The following MED13L variants were observed in gnomAD, a reference collection of about 807,000 sequenced individuals.
MED13L encodes mediator of RNA polymerase II transcription subunit 13-like.
Under a neutral mutation model 220.9 loss-of-function variants are expected in MED13L, and 7 were observed. The ratio of observed to expected loss-of-function variants is 0.03; its 90% CI spans 0.02 to 0.06. The LOEUF (loss-of-function observed/expected upper bound fraction) is 0.06. Ranked by LOEUF, MED13L falls within the 10% of genes least tolerant of loss-of-function variation. The pLI is 1.00. For synonymous variants in MED13L, 1,011 were observed against 1,015.2 expected (o/e 1.00, Z 0.08); for missense variants, 1,965 against 2,760.5 (o/e 0.71, Z 6.46).
rs1345401701 is a variant in MED13L at position 116,260,794 on chromosome 12, T to C, written c.72+16266A>G. On this transcript the variant is annotated intron_variant, in intron 1 of 30. Transcript: ENST00000281928. ...GTCTATTTCACCCTCTTACCAAAAA[T>C]ATCACTGATTTGAAATTAATATAAA... is the stretch of plus-strand genomic sequence containing the variant. Among the ~76,000 whole-genome samples, 6 of 152,178 alleles carry C rather than the reference T, an allele frequency of 3.9e-5. No individual in the cohort carries two copies. In the East Asian group the frequency reaches 1.2e-3, roughly 29 times the overall value.
intron 21 of MED13L, 75 bp downstream of exon 21, chr12:115,983,042 G>A (rs1877437330): frequency 1.3e-6 from 2 of 1,492,604 alleles, no homozygotes; most frequent in East Asian, 2.3e-5. Flanking sequence ...TGAGGTCAAG[G>A]GAGAAAAGGT....
chr12:116,019,996 T>A, intron 5 of MED13L, 24 bp from the exon 6 acceptor site: 1 of 1,593,858 alleles, frequency 6.3e-7, no homozygotes, highest in Non-Finnish European at 8.6e-7. Flanking sequence ...GAGAAATACA[T>A]GCTAAACATT....
chr12:116,138,565 G>A, intron 2 of MED13L, among the ~76,000 whole-genome samples: 1 of 152,188 alleles, frequency 6.6e-6, no homozygotes. Flanking sequence ...TCAGTAAGGT[G>A]GGTGGTAAAT....
chr12:116,082,032 GA>G (rs2137740604), intron 4 of MED13L, among the ~76,000 whole-genome samples: 1 of 152,166 alleles, frequency 6.6e-6, no homozygotes, highest in East Asian at 1.9e-4. Context: ...TCCCTCCAAA[GA>G]AACATTTTAG....
chr12:116,055,595 T>G (rs1231822279), intron 4 of MED13L, among the ~76,000 whole-genome samples: 3 of 152,140 alleles, frequency 2.0e-5, no homozygotes, highest in Non-Finnish European at 1.5e-5. Flanking sequence ...GGGAAGGCCT[T>G]TAGAAAATGC....
intron 2 of MED13L, among the ~76,000 whole-genome samples, chr12:116,187,741 A>G (rs1880988775): frequency 6.6e-6 from 1 of 152,172 alleles, no homozygotes; most frequent in Admixed American, 6.5e-5. Flanking sequence ...GTTCCATTTA[A>G]TCAAATACCA....
intron 1 of MED13L, among the ~76,000 whole-genome samples, chr12:116,245,370 A>G (rs1013180704): frequency 4.6e-5 from 7 of 152,228 alleles, no homozygotes; most frequent in African/African-American, 7.2e-5. Flanking sequence ...AGTGAGGCGC[A>G]CAGTTAAGCA....
At chr12:116,067,218 TA>T (rs1305590861) in intron 4 of MED13L, among the ~76,000 whole-genome samples, 3 of 152,230 alleles carry the variant, frequency 2.0e-5, no homozygotes, top group African/African-American at 7.2e-5. Context: ...ATAATATTTG[TA>T]TATTTATTTT....
At chr12:116,231,432 T>C (rs1263395505) in intron 2 of MED13L, among the ~76,000 whole-genome samples, 1 of 152,102 alleles carries the variant, frequency 6.6e-6, no homozygotes, top group African/African-American at 2.4e-5. Flanking sequence ...ATTAGACAAA[T>C]TCAAAATGTG....
At chr12:116,140,552 T>A (rs957499476) in intron 2 of MED13L, among the ~76,000 whole-genome samples, 3 of 152,162 alleles carry the variant, frequency 2.0e-5, no homozygotes, top group African/African-American at 7.2e-5. Flanking sequence ...AATGTTGCTA[T>A]CTCTAAGGTT....
chr12:116,106,905 G>A (rs1278116413), intron 3 of MED13L, among the ~76,000 whole-genome samples: 2 of 152,022 alleles, frequency 1.3e-5, no homozygotes, highest in East Asian at 3.9e-4. Flanking sequence ...GATTAGCTGG[G>A]TAAATTGACT....
chr12:116,104,027 T>TTTTTTTTTTTTTA (rs1873333304), intron 3 of MED13L, among the ~76,000 whole-genome samples: 1 of 114,420 alleles, frequency 8.7e-6, no homozygotes, highest in Non-Finnish European at 1.7e-5. Context: ...TTTTTTTTTT[T>TTTTTTTTTTTTTA]GAGACGGAGT....
chr12:116,267,494 C>T (rs968111908), intron 1 of MED13L, among the ~76,000 whole-genome samples: 6 of 152,154 alleles, frequency 3.9e-5, no homozygotes, highest in Non-Finnish European at 7.3e-5. Flanking sequence ...TACTAAAGAA[C>T]ATCATCTAGT....
intron 2 of MED13L, among the ~76,000 whole-genome samples, chr12:116,229,951 C>T (rs1034930098): frequency 2.6e-4 from 40 of 152,140 alleles, no homozygotes; most frequent in Non-Finnish European, 1.5e-5. Context: ...TACATCAAAA[C>T]TTGAATAATT....
rs200400580 is a variant in MED13L, at chr12:116,160,749, T to A, written c.311-49237A>T. The stretch of plus-strand genomic sequence containing the variant: ...ACCACACACAGGTTTTTCTTTCTTT[T>A]ATTTTTTATTTTTTTTTTTTTTGTA... On this transcript the variant is annotated intron_variant, in intron 2 of 30. Transcript: ENST00000281928. 2.0e-5 allele frequency among the ~76,000 whole-genome samples: 3 copies of A among 151,270 alleles called. No individual in the cohort carries two copies. In the East Asian group the frequency reaches 5.8e-4, roughly 29 times the overall value.
chr12:116,166,232 G>C (rs966509702), intron 2 of MED13L, among the ~76,000 whole-genome samples: 13 of 152,058 alleles, frequency 8.5e-5, no homozygotes. Flanking sequence ...TGATTGGATA[G>C]AGGGACACAA....
chr12:116,022,306 G>C (rs1215530631), intron 5 of MED13L, 150 bp downstream of exon 5: 8 of 913,514 alleles, frequency 8.8e-6, no homozygotes, highest in Non-Finnish European at 1.4e-5. Flanking sequence ...TGAAATGGTA[G>C]TCTTTTCTTC....
At chr12:116,202,806 A>T (rs1414012207) in intron 2 of MED13L, among the ~76,000 whole-genome samples, 2 of 152,188 alleles carry the variant, frequency 1.3e-5, no homozygotes, top group African/African-American at 4.8e-5. Context: ...CTTTCTATTC[A>T]ATAAGGCTTC....
chr12:116,008,928 T>C lies in MED13L; in HGVS notation c.1485A>G (p.Glu495=). ...GTGTATCTTGCTCCATGCATAATTC[T>C]TCGGCCACAGAGGGCCTATGGTGAA... ...IPFHHRPSVA[E]ELCMEQDTPG... The change falls in exon 10 of 31, where the codon GAA becomes GAG. Residue 495 remains glutamate (E), a synonymous_variant. Coordinates refer to ENST00000281928, the MANE Select transcript of MED13L (RefSeq NM_015335.5). The C allele has an allele frequency of 6.2e-7, 1 of 1,614,152 alleles. No homozygotes were observed. Among genetic ancestry groups the C allele is most frequent in the Non-Finnish European group, 8.5e-7 (1 of 1,180,014 alleles).
Sources: gnomAD v4.1 joint callset for allele counts (sites outside exome capture counted in the v4.1 genomes callset) on GRCh38, gnomAD v4.1.1 for gene constraint, MANE v1.5 for transcripts, NCBI Gene and HGNC (gene_info 2026-07-23, HGNC 2026-07-21) for gene names.